The following RBMS3 variants were observed in gnomAD, a reference collection of about 807,000 sequenced individuals.
RBMS3 encodes RNA binding motif single stranded interacting protein 3, also known as RNA-binding motif, single-stranded-interacting protein 3.
Under a neutral mutation model 66.8 loss-of-function variants are expected in RBMS3, and 27 were observed. The observed-to-expected ratio is 0.40, with a 90% CI of 0.30 to 0.56. RBMS3 has a LOEUF of 0.56. Among genes scored for constraint, RBMS3 ranks in the 20% least tolerant of loss-of-function variants. RBMS3 has a pLI of 0.40. For synonymous variants in RBMS3, 188 were observed against 183.0 expected, an observed-to-expected ratio of 1.03 and a Z score of -0.22; for missense variants, 513 against 549.5, an observed-to-expected ratio of 0.93 and a Z score of 0.66.
chr3:29,535,710 C>CTTTTTTTT (rs149022808), intron 3 of RBMS3, among the ~76,000 whole-genome samples: 630 of 39,768 alleles, frequency 0.016, 191 homozygotes, highest in East Asian at 0.023. Context: ...GATCATTGCT[C>CTTTTTTTT]TTTTTTTTTT....
chr3:29,513,299 T>A (rs1414551896), intron 3 of RBMS3, among the ~76,000 whole-genome samples: 2 of 152,178 alleles, frequency 1.3e-5, no homozygotes, highest in African/African-American at 4.8e-5. Flanking sequence ...GATTTCGTTA[T>A]TTTTCTAAGC....
intron 12 of RBMS3, among the ~76,000 whole-genome samples, chr3:29,960,497 TC>T: frequency 6.6e-6 from 1 of 152,304 alleles, no homozygotes; most frequent in East Asian, 1.9e-4. Flanking sequence ...ACAGTGTCCC[TC>T]TTTTCACAGC....
At chr3:29,957,324 T>C (rs1271321791) in intron 12 of RBMS3, among the ~76,000 whole-genome samples, 1 of 152,146 alleles carries the variant, frequency 6.6e-6, no homozygotes, top group Non-Finnish European at 1.5e-5. Flanking sequence ...AGGTGTTTAT[T>C]AAATATTCAT....
chr3:29,929,293 C>T (rs1007832912), intron 10 of RBMS3, among the ~76,000 whole-genome samples: 2 of 152,080 alleles, frequency 1.3e-5, no homozygotes, highest in African/African-American at 4.8e-5. Context: ...CTGAAAACAC[C>T]AAAAGCTACT....
intron 4 of RBMS3, among the ~76,000 whole-genome samples, chr3:29,659,973 G>T (rs11706650): frequency 0.12 from 17,780 of 152,106 alleles, 1,124 homozygotes; most frequent in Middle Eastern, 0.23. Context: ...TTCCCTAATG[G>T]TTAGTGATGT....
chr3:29,698,320 C>G lies in RBMS3; in HGVS notation c.400-41400C>G, dbSNP rs73831647. ...GGAGGCAAACAGAGAATCAACAATC[C>G]TTTGCTTTTATTGGAATAATAAAAC... On this transcript the variant is annotated intron_variant, in intron 4 of 14. Transcript: ENST00000383767. The G allele has an allele frequency of 0.018, 17,998 of 985,292 alleles. 2,336 individuals carry two copies. In the African/African-American group the frequency reaches 0.28, roughly 15 times the overall value. 61.0% of individuals were successfully genotyped at this position (985,292 alleles called of 1,614,324 possible). A position where few individuals can be genotyped will look rare whatever the true frequency, so the allele number is the denominator to read the frequency against.
chr3:29,582,493 C>G (rs1367335201), intron 3 of RBMS3, among the ~76,000 whole-genome samples: 1 of 152,150 alleles, frequency 6.6e-6, no homozygotes, highest in Admixed American at 6.6e-5. Context: ...TTCATTTGAA[C>G]CTGCTGCCAA....
chr3:29,513,157 T>TA (rs2044480518), intron 3 of RBMS3, among the ~76,000 whole-genome samples: 1 of 152,186 alleles, frequency 6.6e-6, no homozygotes, highest in Non-Finnish European at 1.5e-5. Flanking sequence ...TGTAACTTGT[T>TA]AGAGAGCAGT....
At chr3:29,991,707 TA>T (rs141896449) in intron 14 of RBMS3, 56 of 147,808 alleles carry the variant, frequency 3.8e-4, no homozygotes, top group African/African-American at 6.0e-4. Flanking sequence ...CTGCAGCCAT[TA>T]AAAAAAAAAG....
At chr3:29,876,063 C>A (rs2059604605) in intron 7 of RBMS3, among the ~76,000 whole-genome samples, 1 of 152,190 alleles carries the variant, frequency 6.6e-6, no homozygotes, top group South Asian at 2.1e-4. Context: ...AAATCCCCTG[C>A]ATGTTATTGG....
At position 29,547,645 on chromosome 3, in the gene RBMS3, G is replaced by A. The variant is rs554501001; in HGVS notation, c.308-39469G>A. 1.2e-4 allele frequency among the ~76,000 whole-genome samples: 18 copies of A among 151,982 alleles called. No individual in the cohort carries two copies. In the South Asian group the frequency reaches 3.5e-3, roughly 30 times the overall value. ...CTGGCCATAATTACATGCACAAATAGCTAAACAGACTCCAAATGAAAATTT... is the reference window on the plus strand; with the variant it reads ...CTGGCCATAATTACATGCACAAATAACTAAACAGACTCCAAATGAAAATTT... On this transcript the variant is annotated intron_variant, in intron 3 of 14. Transcript: ENST00000383767.
chr3:29,352,526 A>AT (rs1405176672), intron 1 of RBMS3, among the ~76,000 whole-genome samples: 1 of 152,126 alleles, frequency 6.6e-6, no homozygotes, highest in Non-Finnish European at 1.5e-5. Flanking sequence ...AGTAGAGTGT[A>AT]TAAAGATCAA....
rs114563673 is a variant in RBMS3 at position 29,913,794 on chromosome 3, G to A, written c.939+14039G>A. On this transcript the variant is annotated intron_variant, in intron 10 of 14. Coordinates refer to ENST00000383767, the MANE Select transcript of RBMS3 (RefSeq NM_001003793.3). ...AATCAATTCTTACTTTCCGATAAAG[G>A]CTTTTATCTTGTCTTGTATCTCTAA... 7.5e-3 allele frequency among the ~76,000 whole-genome samples: 1,138 copies of A among 151,832 alleles called. 12 individuals carry two copies. Among genetic ancestry groups the A allele is most frequent in the African/African-American group, 0.026 (1,097 of 41,450 alleles).
chr3:29,655,223 T>G (rs546213463), intron 4 of RBMS3, among the ~76,000 whole-genome samples: 1 of 152,318 alleles, frequency 6.6e-6, no homozygotes, highest in African/African-American at 2.4e-5. Flanking sequence ...GAATACTAAG[T>G]GGCATTTGAA....
Position 29,936,083 on chromosome 3 carries a change from T to C in RBMS3, c.940-3T>C, listed in dbSNP as rs754615684. On this transcript the variant is annotated splice_region_variant and splice_polypyrimidine_tract_variant and intron_variant, in intron 10 of 14. Coordinates refer to ENST00000383767, the MANE Select transcript of RBMS3 (RefSeq NM_001003793.3). ...TTCAAATGGACATTGTATATGCTTG[T>C]AGGGTGCTGTGATTACACCAACCAT... 1 of 1,611,162 alleles carries C rather than the reference T, an allele frequency of 6.2e-7. No homozygotes were observed. The highest frequency in any genetic ancestry group is 1.1e-5 in the South Asian group (1 of 90,626).
intron 2 of RBMS3, among the ~76,000 whole-genome samples, chr3:29,486,279 T>G (rs904537864): frequency 6.6e-6 from 1 of 152,166 alleles, no homozygotes; most frequent in Non-Finnish European, 1.5e-5. Flanking sequence ...CTCTTGTTGT[T>G]TAAAGCATAT....
At chr3:29,459,471 C>G (rs4452286) in intron 2 of RBMS3, among the ~76,000 whole-genome samples, 79,746 of 151,984 alleles carry the variant, frequency 0.52, 21,278 homozygotes, top group African/African-American at 0.63. Flanking sequence ...ACCTGTTTAA[C>G]ATTCCATAAG....
rs17619288 is a variant in RBMS3 at position 29,951,548 on chromosome 3, C to G, written c.1098+7294C>G. Among the ~76,000 whole-genome samples, 1,238 of 151,630 alleles carry G rather than the reference C, an allele frequency of 8.2e-3. 9 individuals carry two copies. Among genetic ancestry groups the G allele is most frequent in the South Asian group, 0.013 (64 of 4,818 alleles). ...AATTGAAAGGATATGTCCAAAGTAC[C>G]TAGTAAGGGCGTGACTCATGATCGA... On this transcript the variant is annotated intron_variant, in intron 12 of 14. Coordinates refer to ENST00000383767, the MANE Select transcript of RBMS3 (RefSeq NM_001003793.3).
chr3:29,306,441 C>G (rs2034018816), intron 1 of RBMS3, among the ~76,000 whole-genome samples: 1 of 151,876 alleles, frequency 6.6e-6, no homozygotes, highest in African/African-American at 2.4e-5. Flanking sequence ...TTTAGTTAAC[C>G]TAGTTGGCTT....
Sources: gnomAD v4.1 joint callset for allele counts (sites outside exome capture counted in the v4.1 genomes callset) on GRCh38, gnomAD v4.1.1 for gene constraint, MANE v1.5 for transcripts, NCBI Gene and HGNC (gene_info 2026-07-23, HGNC 2026-07-21) for gene names.